The following CCDC57 variants were observed in gnomAD, a reference collection of about 807,000 sequenced individuals.
CCDC57 encodes the protein coiled-coil domain-containing protein 57.
CCDC57 carries 118 observed loss-of-function variants against 118.9 expected under a neutral mutation model. That is an observed-to-expected ratio of 0.99 (90% CI 0.86 to 1.16). The LOEUF (loss-of-function observed/expected upper bound fraction) is 1.16. Ranked by LOEUF, CCDC57 falls within the 50% of genes most tolerant of loss-of-function variation. The pLI is 0.00. For missense variants in CCDC57, 1,300 were observed against 1,320.7 expected (o/e 0.98, Z 0.24); for synonymous variants, 527 against 532.9 (o/e 0.99, Z 0.15).
At chr17:82,125,309 G>A (rs967581957) in intron 19 of CCDC57, among the ~76,000 whole-genome samples, 10 of 152,122 alleles carry the variant, frequency 6.6e-5, no homozygotes, top group Non-Finnish European at 1.5e-4. Flanking sequence ...AGGCTGAAGC[G>A]GGAGGATCGC....
At chr17:82,130,410 G>T (rs556361865) in intron 17 of CCDC57, among the ~76,000 whole-genome samples, 2 of 151,530 alleles carry the variant, frequency 1.3e-5, no homozygotes, top group South Asian at 2.1e-4. Flanking sequence ...GGCCAGGCTG[G>T]TCTCGAACTC....
chr17:82,161,827 T>A (rs540461396), intron 14 of CCDC57, among the ~76,000 whole-genome samples: 1 of 152,142 alleles, frequency 6.6e-6, no homozygotes, highest in Non-Finnish European at 1.5e-5. Context: ...AGAATGTTTA[T>A]GCGACATTGT....
chr17:82,157,359 A>G (rs1445919020), intron 15 of CCDC57: 2 of 876,684 alleles, frequency 2.3e-6, no homozygotes, highest in Non-Finnish European at 2.9e-6. Context: ...AACGCTAGGC[A>G]TGGGGCAGGC....
chr17:82,126,866 C>T, intron 19 of CCDC57: 1 of 985,412 alleles, frequency 1.0e-6, no homozygotes, highest in African/African-American at 1.7e-5. Flanking sequence ...ATGAGGCACA[C>T]CCTCATGACG....
chr17:82,127,028 G>A (rs1434620747), intron 19 of CCDC57: 2 of 985,222 alleles, frequency 2.0e-6, no homozygotes, highest in African/African-American at 3.5e-5. Flanking sequence ...CTACATCACA[G>A]ACCCATGCAG....
intron 19 of CCDC57, among the ~76,000 whole-genome samples, chr17:82,109,843 TGA>T (rs2035122586): frequency 6.7e-6 from 1 of 149,126 alleles, no homozygotes; most frequent in African/African-American, 2.5e-5. Flanking sequence ...GGCGACAGAG[TGA>T]GACTCTGTCT....
intron 16 of CCDC57, chr17:82,135,412 AT>A (rs1330964952): frequency 6.8e-6 from 1 of 147,966 alleles, no homozygotes; most frequent in Non-Finnish European, 1.5e-5. Context: ...AAACAGAAAA[AT>A]TTTAAAGCTT....
intron 16 of CCDC57, among the ~76,000 whole-genome samples, chr17:82,150,605 G>A (rs1598939932): frequency 2.8e-5 from 1 of 35,594 alleles, no homozygotes; most frequent in Non-Finnish European, 4.9e-5. Context: ...AGAACCAAGC[G>A]CACACCCAGA....
intron 19 of CCDC57, among the ~76,000 whole-genome samples, chr17:82,120,788 C>T (rs2036571701): frequency 6.6e-6 from 1 of 151,902 alleles, no homozygotes; most frequent in African/African-American, 2.4e-5. Flanking sequence ...TGGAGTCTCA[C>T]TCTGTCGCCC....
At chr17:82,185,766 A>C (rs1480684347) in intron 8 of CCDC57, among the ~76,000 whole-genome samples, 2 of 152,084 alleles carry the variant, frequency 1.3e-5, no homozygotes, top group Admixed American at 1.3e-4. Context: ...CTATAATCCC[A>C]GCACTTTGGG....
chr17:82,146,012 C>T (rs1369799129), intron 16 of CCDC57, among the ~76,000 whole-genome samples: 2 of 152,224 alleles, frequency 1.3e-5, no homozygotes, highest in African/African-American at 4.8e-5. Flanking sequence ...AGTGAAGTGG[C>T]GGTCAGCTTG....
intron 19 of CCDC57, among the ~76,000 whole-genome samples, chr17:82,114,026 C>CCATCA (rs1225694088): frequency 6.6e-6 from 1 of 152,196 alleles, no homozygotes; most frequent in African/African-American, 2.4e-5. Context: ...CTCACCTTGG[C>CCATCA]CATCAGGAGC....
chr17:82,120,179 T>A (rs1052624344), intron 19 of CCDC57, among the ~76,000 whole-genome samples: 1 of 151,714 alleles, frequency 6.6e-6, no homozygotes, highest in African/African-American at 2.4e-5. Flanking sequence ...TTATTATTTT[T>A]TTTTTGCAGA....
chr17:82,184,872 A>G (rs1200768111), intron 8 of CCDC57: 1 of 152,330 alleles, frequency 6.6e-6, no homozygotes, highest in East Asian at 1.9e-4. Context: ...CAACGTTTCC[A>G]GCCATCTCTG....
At chr17:82,202,972 C>A (rs2049173195) in intron 2 of CCDC57, among the ~76,000 whole-genome samples, 1 of 152,200 alleles carries the variant, frequency 6.6e-6, no homozygotes, top group South Asian at 2.1e-4. Flanking sequence ...CCACCCAACA[C>A]CCTGCTCCTG....
chr17:82,132,759 C>CT (rs71166188), intron 17 of CCDC57, among the ~76,000 whole-genome samples: 1,461 of 123,918 alleles, frequency 0.012, 115 homozygotes, highest in African/African-American at 0.038. Flanking sequence ...GACAACCTTG[C>CT]TTTTTTTTTT....
At position 82,190,389 on chromosome 17, in the gene CCDC57, T is replaced by C. The variant is rs1480074740; in HGVS notation, c.852-1970A>G. On this transcript the variant is annotated intron_variant, in intron 7 of 19. Transcript: ENST00000665763. Reference sequence around the variant, plus strand: ...ATTTGCAAGACAGGTCTGCAGCTGCTGGCCATTCTAAAACACATTAATCCA... The same window carrying C: ...ATTTGCAAGACAGGTCTGCAGCTGCCGGCCATTCTAAAACACATTAATCCA... Among the ~76,000 whole-genome samples the C allele has an allele frequency of 3.9e-5, 6 of 152,338 alleles. No individual in the cohort carries two copies. In the South Asian group the frequency reaches 6.2e-4, roughly 16 times the overall value.
At position 82,157,938 on chromosome 17, in the gene CCDC57, T is replaced by G. The variant is rs772689360; in HGVS notation, c.2051A>C (p.Glu684Ala). 9.0e-6 allele frequency: 14 copies of G among 1,554,880 alleles called. No homozygotes were observed. In the South Asian group the frequency reaches 1.5e-4, roughly 17 times the overall value. Residue 684 changes from glutamate (E) to alanine (A), a missense_variant, in exon 15 of 20, where the codon GAA becomes GCA. Glu to Ala is a moderately radical substitution (Grantham distance 107). Coordinates refer to ENST00000665763, the Ensembl canonical transcript of CCDC57. ...CTGGAGAGCGGCCGGCTCCAGGGGT[T>G]CCCGCAGCACCTAGGGGTCATTTCA...
intron 15 of CCDC57, 44 bp from the exon 15 acceptor site, chr17:82,151,817 C>T (rs2042101178): frequency 6.6e-7 from 1 of 1,516,092 alleles, no homozygotes; most frequent in Admixed American, 2.0e-5. Context: ...AGGCTGCCCT[C>T]ATGGGAGGAC....
Sources: gnomAD v4.1 joint callset for allele counts (sites outside exome capture counted in the v4.1 genomes callset) on GRCh38, gnomAD v4.1.1 for gene constraint, MANE v1.5 for transcripts, NCBI Gene and HGNC (gene_info 2026-07-23, HGNC 2026-07-21) for gene names.